Variants in RANBP2 observed in about 807,000 individuals in gnomAD.
RANBP2 encodes RAN binding protein 2, also known as E3 SUMO-protein ligase RanBP2.
In RANBP2, 57 loss-of-function variants were observed where a neutral mutation model predicts 303.6. The ratio of observed to expected loss-of-function variants is 0.19; its 90% CI spans 0.15 to 0.23. The LOEUF is 0.23. Ranked by LOEUF, RANBP2 falls within the 10% of genes least tolerant of loss-of-function variation. The pLI is 1.00. For synonymous variants in RANBP2, 1,167 were observed against 1,301.5 expected (o/e 0.90, Z 2.23); for missense variants, 3,138 against 3,780.8 (o/e 0.83, Z 4.46).
At chr2:109,449,101 G>A in the RANBP2 span, 1 of 1,514,440 alleles carries the variant, frequency 6.6e-7, no homozygotes, top group African/African-American at 1.4e-5. Flanking sequence ...GTGCATTGCA[G>A]CTGCCTGGCA....
chr2:109,196,677 A>G, the RANBP2 span, among the ~76,000 whole-genome samples: 2,101 of 152,212 alleles, frequency 0.014, 59 homozygotes, highest in African/African-American at 0.048. Context: ...GGTTGCAGTG[A>G]GGGGCTGGCT....
the RANBP2 span, among the ~76,000 whole-genome samples, chr2:109,336,031 T>C: frequency 6.6e-6 from 1 of 152,174 alleles, no homozygotes; most frequent in Non-Finnish European, 1.5e-5. Flanking sequence ...CTGGAACCCA[T>C]CAGGAAAAGC....
the RANBP2 span, among the ~76,000 whole-genome samples, chr2:109,581,463 A>C: frequency 5.3e-5 from 8 of 151,986 alleles, no homozygotes; most frequent in African/African-American, 1.9e-4. Context: ...AAAATCAGTA[A>C]AGTTTATTCT....
At chr2:109,684,028 A>T in the RANBP2 span, among the ~76,000 whole-genome samples, 1 of 147,052 alleles carries the variant, frequency 6.8e-6, no homozygotes, top group African/African-American at 2.5e-5. Flanking sequence ...TGCAACCTCC[A>T]CCTCCCAGGC....
At chr2:109,187,037 A>G in the RANBP2 span, among the ~76,000 whole-genome samples, 3 of 149,702 alleles carry the variant, frequency 2.0e-5, no homozygotes, top group African/African-American at 2.4e-5. Context: ...ACCCCACCCC[A>G]TAGGTGCTGG....
At chr2:109,763,717 T>C in the RANBP2 span, among the ~76,000 whole-genome samples, 1 of 150,524 alleles carries the variant, frequency 6.6e-6, no homozygotes, top group African/African-American at 2.4e-5. Context: ...TGATTGATCA[T>C]AGAAAAACTT....
chr2:108,894,268 G>T, the RANBP2 span, among the ~76,000 whole-genome samples: 3 of 152,188 alleles, frequency 2.0e-5, no homozygotes, highest in Admixed American at 1.3e-4. Flanking sequence ...GTTTTTACAT[G>T]ATCTCTTTGT....
chr2:109,472,474 C>G, the RANBP2 span, among the ~76,000 whole-genome samples: 345 of 152,288 alleles, frequency 2.3e-3, no homozygotes, highest in African/African-American at 7.7e-3. Flanking sequence ...GCTTGGCAAG[C>G]TGGCAGCCAT....
the RANBP2 span, among the ~76,000 whole-genome samples, chr2:108,979,467 T>TCTCACACACACA: frequency 4.1e-4 from 60 of 147,218 alleles, 1 homozygote; most frequent in Middle Eastern, 7.1e-3. Flanking sequence ...TCTCTCTCTC[T>TCTCACACACACA]CACACACACA....
chr2:108,768,811 T>C (rs1451144628), intron 20 of RANBP2, among the ~76,000 whole-genome samples: 7 of 152,122 alleles, frequency 4.6e-5, no homozygotes, highest in Non-Finnish European at 7.4e-5. Context: ...GGTGGGCAGA[T>C]CACTTGAGCT....
chr2:109,453,341 AG>A, the RANBP2 span, among the ~76,000 whole-genome samples: 8,833 of 152,292 alleles, frequency 0.058, 795 homozygotes, highest in African/African-American at 0.19. Context: ...TGGTTTTAAA[AG>A]GTGGTCTTCA....
At chr2:109,763,249 T>G in the RANBP2 span, among the ~76,000 whole-genome samples, 1 of 150,532 alleles carries the variant, frequency 6.6e-6, no homozygotes, top group African/African-American at 2.4e-5. Flanking sequence ...GTATTATTTA[T>G]CAGACACTGT....
At chr2:109,155,360 G>A in the RANBP2 span, among the ~76,000 whole-genome samples, 1 of 152,178 alleles carries the variant, frequency 6.6e-6, no homozygotes, top group East Asian at 1.9e-4. Flanking sequence ...GAATGCAGTG[G>A]TGGGATCTTG....
chr2:108,877,813 G>A, the RANBP2 span, among the ~76,000 whole-genome samples: 1 of 152,176 alleles, frequency 6.6e-6, no homozygotes, highest in Admixed American at 6.5e-5. Flanking sequence ...TATGAGAAAA[G>A]GGTTCTATAA....
chr2:108,780,530 CTT>C (rs774240154), intron 25 of RANBP2, among the ~76,000 whole-genome samples: 17 of 120,450 alleles, frequency 1.4e-4, no homozygotes, highest in Admixed American at 1.7e-4. Flanking sequence ...ACACTGCTAA[CTT>C]TTTTTTTTTT....
chr2:109,404,031 G>A, the RANBP2 span, among the ~76,000 whole-genome samples: 4 of 152,194 alleles, frequency 2.6e-5, no homozygotes, highest in Non-Finnish European at 5.9e-5. Context: ...CCAGGCACCA[G>A]ACACATCATC....
the RANBP2 span, among the ~76,000 whole-genome samples, chr2:109,611,545 C>A: frequency 6.6e-6 from 1 of 151,936 alleles, no homozygotes. Context: ...ATCGCTTGAG[C>A]CCAGGAGTTT....
At chr2:109,147,667 G>A in the RANBP2 span, among the ~76,000 whole-genome samples, 15 of 152,214 alleles carry the variant, frequency 9.9e-5, no homozygotes, top group African/African-American at 3.4e-4. Flanking sequence ...AATTGCCCAT[G>A]AAGTGACCTT....
chr2:109,687,613 G>A, the RANBP2 span, among the ~76,000 whole-genome samples: 2 of 152,224 alleles, frequency 1.3e-5, no homozygotes, highest in Admixed American at 1.3e-4. Flanking sequence ...TCTTCAACCT[G>A]AGTGTACACC....
Sources: allele counts gnomAD v4.1 joint callset (sites outside exome capture counted in the v4.1 genomes callset), GRCh38; gene constraint gnomAD v4.1.1; transcripts MANE v1.5; gene names NCBI Gene and HGNC (gene_info 2026-07-23, HGNC 2026-07-21).